DGKG: variants seen among roughly 807,000 people sequenced by gnomAD.
The protein encoded by DGKG is diacylglycerol kinase gamma, also known as DAG kinase gamma.
A neutral mutation model predicts 105.3 loss-of-function variants in DGKG; 78 were observed. The ratio of observed to expected loss-of-function variants is 0.74; its 90% confidence interval spans 0.62 to 0.89. The LOEUF (loss-of-function observed/expected upper bound fraction) is 0.89, where lower values mean the gene tolerates loss of function less well. DGKG is among the 40% of genes least tolerant of loss of function. The probability of loss-of-function intolerance (pLI) is 0.00; values close to 1 mark genes in which losing one functional copy is unlikely to be tolerated. For missense variants in DGKG, 958 were observed against 1,020.1 expected (o/e 0.94, Z 0.83); for synonymous variants, 346 against 367.1 (o/e 0.94, Z 0.66).
chr3:186,287,787 T>A (rs1017166181), intron 6 of DGKG, among the ~76,000 whole-genome samples: 1 of 152,206 alleles, frequency 6.6e-6, no homozygotes, highest in South Asian at 2.1e-4. Context: ...TTTCATTTTG[T>A]TTTTGGCAAG....
intron 20 of DGKG, among the ~76,000 whole-genome samples, chr3:186,228,205 T>C (rs1344952726): frequency 6.6e-6 from 1 of 152,200 alleles, no homozygotes; most frequent in Non-Finnish European, 1.5e-5. Flanking sequence ...AGCTCTGTCG[T>C]TGGTTTCCAT....
intron 15 of DGKG, 117 bp from the exon 16 acceptor site, chr3:186,260,630 C>T (rs1392334554): frequency 5.1e-6 from 4 of 778,128 alleles, no homozygotes; most frequent in Non-Finnish European, 8.5e-6. Flanking sequence ...GATGAGGGTT[C>T]ATTTAAACCC....
intron 3 of DGKG, 175 bp downstream of exon 3, chr3:186,306,726 T>A (rs913736531): frequency 6.7e-6 from 4 of 596,308 alleles, no homozygotes; most frequent in Non-Finnish European, 1.2e-5. Context: ...AATGAGTGTA[T>A]GGGCTTGGGA....
chr3:186,221,511 A>C (rs191263587), intron 20 of DGKG, among the ~76,000 whole-genome samples: 2 of 152,286 alleles, frequency 1.3e-5, no homozygotes, highest in African/African-American at 4.8e-5. Context: ...AGCAAAGTCA[A>C]ATACTGGGAC....
intron 20 of DGKG, among the ~76,000 whole-genome samples, chr3:186,228,828 T>C (rs1223386998): frequency 6.6e-6 from 1 of 152,172 alleles, no homozygotes; most frequent in Non-Finnish European, 1.5e-5. Context: ...CCATATTACA[T>C]TGTATTTCCT....
At chr3:186,346,613 C>A (rs961496062) in intron 1 of DGKG, among the ~76,000 whole-genome samples, 1 of 149,204 alleles carries the variant, frequency 6.7e-6, no homozygotes. Flanking sequence ...AGGTCTTAGA[C>A]CTACATCAAA....
intron 3 of DGKG, among the ~76,000 whole-genome samples, chr3:186,301,851 A>G (rs1723936804): frequency 6.6e-6 from 1 of 152,156 alleles, no homozygotes; most frequent in Non-Finnish European, 1.5e-5. Context: ...GCCTCCAATA[A>G]TCCCCTCCAA....
At chr3:186,176,792 C>G (rs1322577193) in intron 22 of DGKG, among the ~76,000 whole-genome samples, 1 of 152,182 alleles carries the variant, frequency 6.6e-6, no homozygotes, top group Non-Finnish European at 1.5e-5. Flanking sequence ...TTAACACATG[C>G]TGGATAAATA....
At chr3:186,206,887 T>C (rs1289429171) in intron 21 of DGKG, among the ~76,000 whole-genome samples, 1 of 152,124 alleles carries the variant, frequency 6.6e-6, no homozygotes. Context: ...GTAGCTGGGA[T>C]TGTAGGCATG....
intron 6 of DGKG, among the ~76,000 whole-genome samples, chr3:186,286,689 T>C (rs1723085751): frequency 6.6e-6 from 1 of 152,150 alleles, no homozygotes; most frequent in South Asian, 2.1e-4. Context: ...TTGATATGGT[T>C]TAATAAAAAG....
intron 22 of DGKG, among the ~76,000 whole-genome samples, chr3:186,165,358 CAT>C (rs1444835915): frequency 6.6e-6 from 1 of 152,192 alleles, no homozygotes; most frequent in African/African-American, 2.4e-5. Flanking sequence ...CAGCTAAAGA[CAT>C]ATTGGTTTGG....
Position 186,361,353 on chromosome 3 carries a change from C to T in DGKG, c.-249+593G>A, listed in dbSNP as rs1727219865. 6.6e-6 allele frequency among the ~76,000 whole-genome samples: 1 copy of T among 152,164 alleles called. No homozygotes were observed. The highest frequency in any genetic ancestry group is 1.9e-4 in the East Asian group (1 of 5,144). Reference sequence around the variant, plus strand: ...ACTCCTCAGGACACAAGCACACACACGGACACATCTTGTGACTCTGAGACT... The same window carrying T: ...ACTCCTCAGGACACAAGCACACACATGGACACATCTTGTGACTCTGAGACT... On this transcript the variant is annotated intron_variant, in intron 1 of 24. Coordinates refer to ENST00000265022, the MANE Select transcript of DGKG (RefSeq NM_001346.3). The surrounding 1 kb of genome is among the most constrained non-coding windows in gnomAD (Gnocchi z 6.8).
At position 186,188,189 on chromosome 3, in the gene DGKG, A is replaced by G. The variant is rs1288370763; in HGVS notation, c.2095+13T>C. 6.2e-7 allele frequency: 1 copy of G among 1,614,074 alleles called. No individual in the cohort carries two copies. Among genetic ancestry groups the G allele is most frequent in the Non-Finnish European group, 8.5e-7 (1 of 1,179,960 alleles). ...GCATTGACCTAAAACAATTATCCTC[A>G]TTCCTGGCTTACCTTGAACGCAGAA... On this transcript the variant is annotated intron_variant, in intron 22 of 24. Transcript: ENST00000265022.
rs1719184087 is a variant in DGKG, at chr3:186,214,490, T to C, written c.1827-2605A>G. Among the ~76,000 whole-genome samples the C allele has an allele frequency of 2.0e-5, 3 of 152,172 alleles. No individual in the cohort carries two copies. The South Asian group carries it at 6.2e-4, about 32-fold the overall frequency. ...GAGGCAAAAATGACAGATAAGGATG[T>C]GTAGCTATAGATATTATATATTAAT... On this transcript the variant is annotated intron_variant, in intron 20 of 24. Transcript: ENST00000265022.
intron 22 of DGKG, among the ~76,000 whole-genome samples, chr3:186,182,873 CAAAGAT>C (rs1717425563): frequency 6.6e-6 from 1 of 152,056 alleles, no homozygotes; most frequent in African/African-American, 2.4e-5. Context: ...GAAGGGGACA[CAAAGAT>C]AAAGAACATG....
In DGKG at chr3:186,251,784, A is replaced by G. The variant is rs752487797; in HGVS notation, c.1736T>C (p.Met579Thr). ...CACACCAATGGAGAAATAGTTGTTC[A>G]TGATGCTGTATGGGACCTGGTCCCC... ...ENGDQVPYSI[M>T]NNYFSIGVDA... is the part of the protein sequence containing the mutation. The change falls in exon 19 of 25, where the codon ATG (methionine) becomes ACG (threonine). Residue 579 changes from methionine to threonine, a missense_variant. By Grantham distance (81) the Met-to-Thr change is moderately conservative. Transcript: ENST00000265022. The G allele has an allele frequency of 3.1e-6, 5 of 1,614,100 alleles. No homozygotes were observed. The African/African-American group carries it at 5.3e-5, about 17-fold the overall frequency.
chr3:186,201,396 G>T (rs1275226485), intron 21 of DGKG, among the ~76,000 whole-genome samples: 1 of 152,060 alleles, frequency 6.6e-6, no homozygotes, highest in African/African-American at 2.4e-5. Flanking sequence ...GCCCTGCAGG[G>T]TGACTTCCAC....
chr3:186,282,460 A>G (rs975327232), intron 7 of DGKG, among the ~76,000 whole-genome samples: 1 of 152,224 alleles, frequency 6.6e-6, no homozygotes, highest in African/African-American at 2.4e-5. Flanking sequence ...TACTACCTGC[A>G]ATGATTCTAC....
At chr3:186,271,909 T>A (rs1260732206) in intron 11 of DGKG, among the ~76,000 whole-genome samples, 1 of 152,236 alleles carries the variant, frequency 6.6e-6, no homozygotes, top group Non-Finnish European at 1.5e-5. Flanking sequence ...ACTTGCCCCG[T>A]GCTTCCACTG....
Sources: gnomAD v4.1 joint callset for allele counts (sites outside exome capture counted in the v4.1 genomes callset) on GRCh38, gnomAD v4.1.1 for gene constraint, Gnocchi (gnomAD v3.1) non-coding constraint, MANE v1.5 for transcripts, NCBI Gene and HGNC (gene_info 2026-07-23, HGNC 2026-07-21) for gene names.